Variants in SKP2 observed in about 807,000 individuals in gnomAD.
SKP2 encodes S-phase kinase associated protein 2.
Under a neutral mutation model 51.8 loss-of-function variants are expected in SKP2, and 16 were observed. The ratio of observed to expected loss-of-function variants is 0.31; its 90% CI spans 0.21 to 0.47. The LOEUF is 0.47. Ranked by LOEUF, SKP2 falls within the 20% of genes least tolerant of loss-of-function variation. SKP2 has a pLI of 1.00. For missense variants in SKP2, 377 were observed against 505.3 expected (o/e 0.75, Z 2.43); for synonymous variants, 176 against 198.6 (o/e 0.89, Z 0.96).
At chr5:36,171,556 C>T (rs1186597577) in intron 6 of SKP2, 47 bp from the exon 7 acceptor site, 10 of 1,581,984 alleles carry the variant, frequency 6.3e-6, no homozygotes, top group Non-Finnish European at 8.7e-6. Context: ...CAAACTCATT[C>T]CCGTGTGATG....
rs775246246 is a variant in SKP2 at position 36,168,302 on chromosome 5, T to C, written c.537-11T>C. 5 of 1,612,158 alleles carry C rather than the reference T, an allele frequency of 3.1e-6. No homozygotes were observed. In the South Asian group the frequency reaches 5.5e-5, roughly 18 times the overall value. Reference sequence around the variant, plus strand: ...CCACCTATGGAGCTCCTTTTTTCTCTCCGTGTTTAGCCCTTTTCGTGTACA... The same window carrying C: ...CCACCTATGGAGCTCCTTTTTTCTCCCCGTGTTTAGCCCTTTTCGTGTACA... On this transcript the variant is annotated splice_polypyrimidine_tract_variant and intron_variant, in intron 4 of 9. Transcript: ENST00000274255.
In SKP2 at chr5:36,158,314, G is replaced by T. The variant is rs765923947; in HGVS notation, c.280+5272G>T. Among the ~76,000 whole-genome samples, 117 of 152,230 alleles carry T rather than the reference G, an allele frequency of 7.7e-4. 1 individual carries two copies. Among genetic ancestry groups the T allele is most frequent in the Non-Finnish European group, 5.3e-4 (36 of 68,042 alleles). ...AGGAAACAGATGGCTAATGTTTTGA[G>T]AATTAAATATGGCAAGGAAAATTAG... On this transcript the variant is annotated intron_variant, in intron 2 of 9. Transcript: ENST00000274255.
At chr5:36,156,157 C>A (rs1405486500) in intron 2 of SKP2, among the ~76,000 whole-genome samples, 1 of 152,162 alleles carries the variant, frequency 6.6e-6, no homozygotes, top group East Asian at 1.9e-4. Flanking sequence ...CGTGGACTTA[C>A]AACAGAGATT....
chr5:36,168,779 A>T (rs1177032414), intron 5 of SKP2, among the ~76,000 whole-genome samples: 2 of 152,238 alleles, frequency 1.3e-5, no homozygotes, highest in African/African-American at 2.4e-5. Flanking sequence ...TTCTTGCAAG[A>T]GGAAACATTG....
At chr5:36,166,314 G>A (rs1745287337) in intron 3 of SKP2, among the ~76,000 whole-genome samples, 1 of 152,242 alleles carries the variant, frequency 6.6e-6, no homozygotes, top group African/African-American at 2.4e-5. Context: ...AAAGATGGAA[G>A]CTTATCCCTG....
At chr5:36,171,826 T>A in intron 7 of SKP2, 93 bp downstream of exon 7, 1 of 1,290,102 alleles carries the variant, frequency 7.8e-7, no homozygotes, top group Non-Finnish European at 1.1e-6. Context: ...ACATAAGTTT[T>A]CTCATTTAAT....
chr5:36,185,937 G>T (rs1202752114), downstream of SKP2, among the ~76,000 whole-genome samples: 1 of 152,056 alleles, frequency 6.6e-6, no homozygotes, highest in African/African-American at 2.4e-5. Context: ...GTTGAGCAGT[G>T]GTTTGTAACT....
chr5:36,166,693 T>C, intron 4 of SKP2, 31 bp downstream of exon 4: 2 of 1,599,032 alleles, frequency 1.3e-6, no homozygotes, highest in Non-Finnish European at 1.7e-6. Flanking sequence ...GAAAAGACTA[T>C]TTCTAAATTT....
chr5:36,190,860 A>G (rs1296851616), intron 6 of SKP2, among the ~76,000 whole-genome samples: 1 of 152,056 alleles, frequency 6.6e-6, no homozygotes, highest in Non-Finnish European at 1.5e-5. Context: ...TATACCTCTA[A>G]AAGTTAGGGA....
intron 7 of SKP2, among the ~76,000 whole-genome samples, chr5:36,176,408 A>C (rs1168686632): frequency 6.6e-6 from 1 of 151,454 alleles, no homozygotes; most frequent in Non-Finnish European, 1.5e-5. Context: ...CCAAGATTCA[A>C]TTAAATAATT....
chr5:36,178,006 C>A (rs959158766), intron 9 of SKP2, among the ~76,000 whole-genome samples: 1 of 152,126 alleles, frequency 6.6e-6, no homozygotes, highest in Non-Finnish European at 1.5e-5. Context: ...AAGAAAGCAG[C>A]AGCCTGGTCC....
At chr5:36,152,381 G>T in intron 1 of SKP2, 111 bp downstream of exon 1, 5 of 1,049,090 alleles carry the variant, frequency 4.8e-6, no homozygotes, top group South Asian at 1.3e-5. Context: ...TTAAGTGAAT[G>T]GTTGCTTAGC....
At chr5:36,178,485 A>G (rs929296516) in intron 9 of SKP2, among the ~76,000 whole-genome samples, 2 of 152,112 alleles carry the variant, frequency 1.3e-5, no homozygotes, top group African/African-American at 4.8e-5. Context: ...TCATTTGGGA[A>G]AGGACTGCCT....
rs1438311698 is a variant in SKP2, at chr5:36,152,345, A to G, written c.8+75A>G. The G allele has an allele frequency of 3.0e-6, 4 of 1,339,684 alleles. No homozygotes were observed. The South Asian group carries it at 3.5e-5, about 12-fold the overall frequency. The allele number at this position is 1,339,684 out of a possible 1,614,324, so 83.0% of individuals were successfully genotyped here. On this transcript the variant is annotated intron_variant, in intron 1 of 9. Transcript: ENST00000274255. ...ATTCTTTTAGGCCGCGAATATCGCT[A>G]CTGGCTAATATTGTTAGTAATGCTG... is the stretch of plus-strand genomic sequence containing the variant.
At chr5:36,190,568 C>G (rs139180186) in intron 6 of SKP2, among the ~76,000 whole-genome samples, 2,514 of 150,800 alleles carry the variant, frequency 0.017, 26 homozygotes, top group Non-Finnish European at 0.026. Context: ...GAATTCTGTT[C>G]CTTTTGGACC....
intron 2 of SKP2, among the ~76,000 whole-genome samples, chr5:36,161,120 T>C (rs1278751692): frequency 6.6e-6 from 1 of 152,112 alleles, no homozygotes; most frequent in Non-Finnish European, 1.5e-5. Flanking sequence ...TGAAGTTTCC[T>C]GTTTGTCTAT....
chr5:36,176,995 A>G lies in SKP2; in HGVS notation c.932A>G (p.Asn311Ser), dbSNP rs766841870. 1 of 1,597,552 alleles carries G rather than the reference A, an allele frequency of 6.3e-7. No individual in the cohort carries two copies. The highest frequency in any genetic ancestry group is 8.6e-7 in the Non-Finnish European group (1 of 1,169,432). The change falls in exon 8 of 10, where the codon AAT becomes AGT. Residue 311 changes from asparagine (N) to serine (S), a missense_variant. Coordinates refer to ENST00000274255, the MANE Select transcript of SKP2 (RefSeq NM_005983.4). ...TCTACTTTAGTTAGAAGATGCCCCAATCTTGTCCATCTAGACTTAAGGTAT... is the reference window on the plus strand; with the variant it reads ...TCTACTTTAGTTAGAAGATGCCCCAGTCTTGTCCATCTAGACTTAAGGTAT... ...DLSTLVRRCP[N>S]LVHLDLSDSV...
At chr5:36,173,253 TC>T (rs1306945647) in intron 7 of SKP2, among the ~76,000 whole-genome samples, 1 of 152,166 alleles carries the variant, frequency 6.6e-6, no homozygotes, top group Non-Finnish European at 1.5e-5. Context: ...AGTTTTTCTC[TC>T]CTATAAACAA....
At chr5:36,167,330 T>C (rs1357971078) in intron 4 of SKP2, among the ~76,000 whole-genome samples, 1 of 152,168 alleles carries the variant, frequency 6.6e-6, no homozygotes, top group Non-Finnish European at 1.5e-5. Flanking sequence ...CCACTGCTTT[T>C]TATCCTGTTC....
Sources: gnomAD v4.1 joint callset for allele counts (sites outside exome capture counted in the v4.1 genomes callset) on GRCh38, gnomAD v4.1.1 for gene constraint, MANE v1.5 for transcripts, NCBI Gene and HGNC (gene_info 2026-07-23, HGNC 2026-07-21) for gene names.